The following SGCZ variants were observed in gnomAD, a reference collection of about 807,000 sequenced individuals.
SGCZ encodes the protein zeta-sarcoglycan.
Under a neutral mutation model 41.3 loss-of-function variants are expected in SGCZ, and 40 were observed. That is an observed-to-expected ratio of 0.97 (90% CI 0.75 to 1.26). SGCZ has a LOEUF of 1.26. Among genes scored for constraint, SGCZ ranks in the 50% most tolerant of loss-of-function variants. SGCZ has a pLI of 0.00. For synonymous variants in SGCZ, 206 were observed against 137.5 expected (o/e 1.50, Z -3.49); for missense variants, 552 against 369.8 (o/e 1.49, Z -4.04).
intron 2 of SGCZ, among the ~76,000 whole-genome samples, chr8:14,530,938 A>C (rs184124514): frequency 6.6e-6 from 1 of 152,070 alleles, no homozygotes; most frequent in Non-Finnish European, 1.5e-5. Context: ...CAGGTACACA[A>C]ATGATAGCGA....
intron 1 of SGCZ, among the ~76,000 whole-genome samples, chr8:14,810,471 A>G (rs1252719610): frequency 3.9e-5 from 6 of 152,056 alleles, no homozygotes; most frequent in African/African-American, 1.4e-4. Context: ...ACTTAAAAAT[A>G]TAATAATGTA....
chr8:14,903,593 GA>G (rs1799035465), intron 1 of SGCZ, among the ~76,000 whole-genome samples: 1 of 152,016 alleles, frequency 6.6e-6, no homozygotes, highest in Admixed American at 6.6e-5. Context: ...CTTTAGGTTG[GA>G]AAAAATTAGA....
intron 2 of SGCZ, among the ~76,000 whole-genome samples, chr8:14,331,459 T>C (rs1249122626): frequency 1.3e-5 from 2 of 152,210 alleles, no homozygotes; most frequent in African/African-American, 4.8e-5. Flanking sequence ...ATGGCCTGCT[T>C]TATATGTGTG....
intron 1 of SGCZ, among the ~76,000 whole-genome samples, chr8:15,111,853 T>C (rs1001092020): frequency 2.0e-5 from 3 of 151,084 alleles, no homozygotes; most frequent in Non-Finnish European, 2.9e-5. Context: ...TGAGCCGAGA[T>C]TACACCACCG....
intron 2 of SGCZ, among the ~76,000 whole-genome samples, chr8:14,517,078 C>A (rs569477307): frequency 3.9e-5 from 6 of 152,094 alleles, no homozygotes; most frequent in African/African-American, 1.2e-4. Context: ...CTTCGTAATG[C>A]GTGACGGAAA....
intron 2 of SGCZ, among the ~76,000 whole-genome samples, chr8:14,328,366 A>T (rs1191074824): frequency 6.6e-6 from 1 of 152,150 alleles, no homozygotes; most frequent in Non-Finnish European, 1.5e-5. Flanking sequence ...AACAGACTCT[A>T]ATGTACTACA....
At position 14,761,916 on chromosome 8, in the gene SGCZ, C is replaced by G. The variant is rs112802182; in HGVS notation, c.40-206990G>C. On this transcript the variant is annotated intron_variant, in intron 1 of 7. Coordinates refer to ENST00000382080, the MANE Select transcript of SGCZ (RefSeq NM_139167.4). Reference sequence around the variant, plus strand: ...CATCAGTAGATTGTCCTGAGGAAACCACCTTTCCAAGTGCGTAGAGTCAGA... The same window carrying G: ...CATCAGTAGATTGTCCTGAGGAAACGACCTTTCCAAGTGCGTAGAGTCAGA... 5.7e-3 allele frequency among the ~76,000 whole-genome samples: 868 copies of G among 152,168 alleles called. 14 individuals are homozygous for G. The highest frequency in any genetic ancestry group is 0.02 in the African/African-American group (824 of 41,530).
intron 4 of SGCZ, among the ~76,000 whole-genome samples, chr8:14,198,987 A>G (rs991211048): frequency 2.6e-5 from 4 of 152,146 alleles, no homozygotes; most frequent in African/African-American, 9.7e-5. Flanking sequence ...TAACTGCACA[A>G]ATTGTTTGTA....
chr8:15,062,747 C>T (rs1804983364), intron 1 of SGCZ, among the ~76,000 whole-genome samples: 1 of 152,140 alleles, frequency 6.6e-6, no homozygotes, highest in Non-Finnish European at 1.5e-5. Flanking sequence ...ACTAGTACTA[C>T]AAGCTGAATT....
chr8:14,775,461 GTGTGT>G (rs1800373936), intron 1 of SGCZ, among the ~76,000 whole-genome samples: 1 of 7,534 alleles, frequency 1.3e-4, no homozygotes, highest in Middle Eastern at 0.071. Context: ...GAATATTTGA[GTGTGT>G]GTGTGTGTGT....
chr8:14,858,704 A>G (rs770045608), intron 1 of SGCZ, among the ~76,000 whole-genome samples: 3 of 152,146 alleles, frequency 2.0e-5, no homozygotes, highest in Non-Finnish European at 4.4e-5. Flanking sequence ...CCCAAGCCTG[A>G]TTTTGTAACA....
rs537078484 is a variant in SGCZ at position 14,368,912 on chromosome 8, C to T, written c.235-44708G>A. Reference sequence around the variant, plus strand: ...ACTATGGGAAGTCAATATAAGAGTACATTACAATGGGCTTTTAACTAGGAC... The same window carrying T: ...ACTATGGGAAGTCAATATAAGAGTATATTACAATGGGCTTTTAACTAGGAC... On this transcript the variant is annotated intron_variant, in intron 2 of 7. Transcript: ENST00000382080. Among the ~76,000 whole-genome samples the T allele has an allele frequency of 1.4e-4, 22 of 151,934 alleles. No homozygotes were observed. In the South Asian group the frequency reaches 3.9e-3, roughly 27 times the overall value.
intron 1 of SGCZ, among the ~76,000 whole-genome samples, chr8:14,816,506 G>A (rs573602879): frequency 6.6e-6 from 1 of 152,096 alleles, no homozygotes; most frequent in African/African-American, 2.4e-5. Context: ...TCAACTTTCT[G>A]TTCATCAGTA....
intron 1 of SGCZ, among the ~76,000 whole-genome samples, chr8:15,086,368 T>A (rs975565070): frequency 6.6e-6 from 1 of 152,204 alleles, no homozygotes; most frequent in East Asian, 1.9e-4. Flanking sequence ...TCCAATCAGC[T>A]CCTCTTAGAG....
At chr8:14,274,830 C>G (rs925168416) in intron 3 of SGCZ, among the ~76,000 whole-genome samples, 3 of 151,842 alleles carry the variant, frequency 2.0e-5, no homozygotes, top group African/African-American at 4.8e-5. Context: ...ATATAGGTCT[C>G]ATAATAATAA....
intron 1 of SGCZ, among the ~76,000 whole-genome samples, chr8:14,650,384 G>A (rs768361154): frequency 6.6e-6 from 1 of 151,996 alleles, no homozygotes; most frequent in Non-Finnish European, 1.5e-5. Context: ...AGGGTTACAT[G>A]TGCAGGTTTG....
chr8:15,042,606 A>G (rs1804146764), intron 1 of SGCZ, among the ~76,000 whole-genome samples: 1 of 152,188 alleles, frequency 6.6e-6, no homozygotes, highest in African/African-American at 2.4e-5. Flanking sequence ...GGGTTAATAC[A>G]TGTTGCCACT....
intron 1 of SGCZ, among the ~76,000 whole-genome samples, chr8:15,036,172 A>C (rs1187161819): frequency 6.6e-6 from 1 of 152,140 alleles, no homozygotes; most frequent in Non-Finnish European, 1.5e-5. Context: ...TACAGAAATA[A>C]AGTAGATCAT....
intron 1 of SGCZ, among the ~76,000 whole-genome samples, chr8:14,745,503 G>A (rs188569031): frequency 2.0e-3 from 308 of 152,180 alleles, no homozygotes; most frequent in Non-Finnish European, 3.9e-3. Flanking sequence ...GGATGCTTGA[G>A]CCCAGGAGTT....
Sources: gnomAD v4.1 joint callset for allele counts (sites outside exome capture counted in the v4.1 genomes callset) on GRCh38, gnomAD v4.1.1 for gene constraint, MANE v1.5 for transcripts, NCBI Gene and HGNC (gene_info 2026-07-23, HGNC 2026-07-21) for gene names.